ADAM11: variants seen among roughly 807,000 people sequenced by gnomAD.
The protein encoded by ADAM11 is disintegrin and metalloproteinase domain-containing protein 11.
Under a neutral mutation model 119.1 loss-of-function variants are expected in ADAM11, and 49 were observed. That is an observed-to-expected ratio of 0.41 (90% CI 0.33 to 0.52). The LOEUF is 0.52. Among genes scored for constraint, ADAM11 ranks in the 20% least tolerant of loss-of-function variants. ADAM11 has a pLI of 0.20. For missense variants in ADAM11, 777 were observed against 1,047.5 expected, an observed-to-expected ratio of 0.74 and a Z score of 3.56; for synonymous variants, 364 against 408.0, an observed-to-expected ratio of 0.89 and a Z score of 1.30.
rs1371890686 is a variant in ADAM11, at chr17:44,781,363, A to C, written c.*1609A>C. 1 of 152,086 alleles carries C rather than the reference A, an allele frequency of 6.6e-6. No individual in the cohort carries two copies. The highest frequency in any genetic ancestry group is 1.5e-5 in the Non-Finnish European group (1 of 68,018). 9.4% of individuals were successfully genotyped at this position (152,086 alleles called of 1,614,324 possible). A position where few individuals can be genotyped will look rare whatever the true frequency, so the allele number is the denominator to read the frequency against. On this transcript the variant is annotated 3_prime_UTR_variant, in exon 27 of 27. Coordinates refer to ENST00000200557, the MANE Select transcript of ADAM11 (RefSeq NM_002390.6). ...CACTGAGCTCCAGCTGGCACTGCCCACTCAAGGGCTGAGTGGAGGGGCCCC... is the reference window on the plus strand; with the variant it reads ...CACTGAGCTCCAGCTGGCACTGCCCCCTCAAGGGCTGAGTGGAGGGGCCCC...
Position 44,759,760 on chromosome 17 carries a change from G to A in ADAM11, c.100G>A (p.Gly34Arg), listed in dbSNP as rs550063531. Reference protein sequence around the residue: ...TQGPAGALRWGGLPQLGGPGA... With the variant: ...TQGPAGALRWRGLPQLGGPGA... ...AGGTCCTGCTGGAGCTCTGCGATGG[G>A]GGGGCTTACCCCAGCTGGGAGGCCC... Residue 34 changes from glycine to arginine, a missense_variant, in exon 2 of 27, where the codon GGG becomes AGG. This residue lies in a region of ADAM11 where 278 missense variants were observed against 310.1 expected (regional missense o/e 0.90). Coordinates refer to ENST00000200557, the MANE Select transcript of ADAM11 (RefSeq NM_002390.6). The A allele has an allele frequency of 1.2e-5, 16 of 1,325,554 alleles. No individual in the cohort carries two copies. Among genetic ancestry groups the A allele is most frequent in the Non-Finnish European group, 1.5e-5 (15 of 1,030,338 alleles). The allele number at this position is 1,325,554 out of a possible 1,614,324, so 82.1% of individuals were successfully genotyped here. A position where few individuals can be genotyped will look rare whatever the true frequency, so the allele number is the denominator to read the frequency against.
In ADAM11 at chr17:44,776,080, C is replaced by A; in HGVS notation, c.1486-47C>A. On this transcript the variant is annotated intron_variant, in intron 17 of 26. Transcript: ENST00000200557. This position sits in a 1 kb window ranked among gnomAD's most constrained non-coding sequence, Gnocchi z 5.2. ...AGCGAGGGGCCTGGGGAGGGCAGGG[C>A]CGAGGCATCCATCCTGCCTGACTCG... 1 of 1,598,468 alleles carries A rather than the reference C, an allele frequency of 6.3e-7. No individual in the cohort carries two copies. Among genetic ancestry groups the A allele is most frequent in the Non-Finnish European group, 8.6e-7 (1 of 1,167,548 alleles).
chr17:44,767,065 A>T (rs1203061330), intron 2 of ADAM11, among the ~76,000 whole-genome samples: 1 of 152,134 alleles, frequency 6.6e-6, no homozygotes, highest in Non-Finnish European at 1.5e-5. Context: ...TTAATTTTAA[A>T]AAAAGAACAT....
intron 2 of ADAM11, among the ~76,000 whole-genome samples, chr17:44,760,541 A>G (rs988756525): frequency 6.6e-6 from 1 of 152,190 alleles, no homozygotes; most frequent in Non-Finnish European, 1.5e-5. Flanking sequence ...TTAATAATTA[A>G]TTAATATCAT....
rs748075525 is a variant in ADAM11 at position 44,773,305 on chromosome 17, G to A, written c.870G>A (p.Met290Ile). ...QLNTRIVLVA[M>I]ETWADGDKIQ... is the part of the protein sequence containing the mutation. Reference sequence around the variant, plus strand: ...ACACTCGCATCGTCCTGGTTGCCATGGAAACATGGGCAGATGGGGACAAGA... The same window carrying A: ...ACACTCGCATCGTCCTGGTTGCCATAGAAACATGGGCAGATGGGGACAAGA... Residue 290 changes from methionine to isoleucine, a missense_variant, in exon 11 of 27, where the codon ATG becomes ATA. By Grantham distance (10) the Met-to-Ile change is conservative (BLOSUM62 1). Transcript: ENST00000200557. This position sits in a 1 kb window ranked among gnomAD's most constrained non-coding sequence, Gnocchi z 4.6. 1.9e-6 allele frequency: 3 copies of A among 1,614,012 alleles called. No homozygotes were observed.
chr17:44,768,981 C>A (rs73303581), intron 2 of ADAM11, among the ~76,000 whole-genome samples: 1 of 152,240 alleles, frequency 6.6e-6, no homozygotes, highest in Non-Finnish European at 1.5e-5. Context: ...CTTGCTCTGG[C>A]GTGGTGTGTT....
At chr17:44,779,582 T>C in intron 26 of ADAM11, 157 bp from the exon 27 acceptor site, 1 of 985,388 alleles carries the variant, frequency 1.0e-6, no homozygotes, top group Non-Finnish European at 1.2e-6. Flanking sequence ...TTGTCTTCCA[T>C]ATCACCACTG....
Position 44,775,668 on chromosome 17 carries a change from C to T in ADAM11, c.1477C>T (p.Arg493Cys), listed in dbSNP as rs1172548444. ...GTGCAGCGACGGGCTCTGCTGTCGCCGCTGCAAGGTAAGCAGGACCGGCCG... is the reference window on the plus strand; with the variant it reads ...GTGCAGCGACGGGCTCTGCTGTCGCTGCTGCAAGGTAAGCAGGACCGGCCG... ...AMCSDGLCCR[R>C]CKYEPRGVSC... The change falls in exon 17 of 27, where the codon CGC becomes TGC. Residue 493 changes from arginine to cysteine, a missense_variant. Transcript: ENST00000200557. The surrounding 1 kb of genome is among the most constrained non-coding windows in gnomAD (Gnocchi z 7.5). 1 of 1,584,748 alleles carries T rather than the reference C, an allele frequency of 6.3e-7. No individual in the cohort carries two copies. The highest frequency in any genetic ancestry group is 8.6e-7 in the Non-Finnish European group (1 of 1,167,360).
chr17:44,777,011 G>A lies in ADAM11; in HGVS notation c.1681+49G>A, dbSNP rs1202544161. ...TGGGGACTCCGGAGGACCCAGAGCT[G>A]AGAAGCTGGGGAGAGTGGGTTCCAG... On this transcript the variant is annotated intron_variant, in intron 20 of 26. Transcript: ENST00000200557. The surrounding 1 kb of genome is among the most constrained non-coding windows in gnomAD (Gnocchi z 5.1). 2.5e-6 allele frequency: 4 copies of A among 1,588,672 alleles called. No homozygotes were observed. The highest frequency in any genetic ancestry group is 3.4e-6 in the Non-Finnish European group (4 of 1,162,438).
intron 2 of ADAM11, among the ~76,000 whole-genome samples, chr17:44,769,213 C>T (rs1269554800): frequency 1.3e-5 from 2 of 152,242 alleles, no homozygotes; most frequent in Non-Finnish European, 2.9e-5. Context: ...TCCATTCCCA[C>T]CCATTCGCCC....
Position 44,775,201 on chromosome 17 carries a change from GC to G in ADAM11, c.1221-8del. 6.2e-7 allele frequency: 1 copy of G among 1,608,612 alleles called. No individual in the cohort carries two copies. The highest frequency in any genetic ancestry group is 8.5e-7 in the Non-Finnish European group (1 of 1,175,572). ...GGAGCAGCCAGCAGCACCTCCCCTC[GC>G]CCTATCCAGGTTCTACCTGCCCCGC... On this transcript the variant is annotated splice_polypyrimidine_tract_variant and intron_variant, in intron 14 of 26. Coordinates refer to ENST00000200557, the MANE Select transcript of ADAM11 (RefSeq NM_002390.6). The surrounding 1 kb of genome is among the most constrained non-coding windows in gnomAD (Gnocchi z 7.5).
At chr17:44,765,610 C>CTTTTTTT (rs748123040) in intron 2 of ADAM11, among the ~76,000 whole-genome samples, 1,558 of 99,848 alleles carry the variant, frequency 0.016, 12 homozygotes, top group Non-Finnish European at 0.017. Context: ...TTTCTTTTCT[C>CTTTTTTT]TTTTTTTTTT....
chr17:44,766,833 G>A (rs2049456466), intron 2 of ADAM11, among the ~76,000 whole-genome samples: 1 of 152,178 alleles, frequency 6.6e-6, no homozygotes, highest in Non-Finnish European at 1.5e-5. Flanking sequence ...CAGGGATGGA[G>A]GGACAATGGG....
Position 44,778,713 on chromosome 17 carries a change from A to AAAAAAAAAG in ADAM11, c.2276+471_2276+472insAAAAAAAAG, listed in dbSNP as rs71136047. Among the ~76,000 whole-genome samples the AAAAAAAAAG allele has an allele frequency of 3.4e-4, 27 of 80,458 alleles. 1 individual carries two copies. The highest frequency in any genetic ancestry group is 5.4e-4 in the Admixed American group (3 of 5,596). The allele number at this position is 80,458 out of a possible 152,430, so 52.8% of individuals were successfully genotyped here. A position where few individuals can be genotyped will look rare whatever the true frequency, so the allele number is the denominator to read the frequency against. On this transcript the variant is annotated intron_variant, in intron 25 of 26. Coordinates refer to ENST00000200557, the MANE Select transcript of ADAM11 (RefSeq NM_002390.6). ...CAAAAAAAAAAAAAAAAAAAAAAAA[A>AAAAAAAAAG]GAAAGAAAGAGAGAAAGAAAAGAAA...
At position 44,777,112 on chromosome 17, in the gene ADAM11, G is replaced by A; in HGVS notation, c.1682-54G>A. On this transcript the variant is annotated intron_variant, in intron 20 of 26. Coordinates refer to ENST00000200557, the MANE Select transcript of ADAM11 (RefSeq NM_002390.6). This position sits in a 1 kb window ranked among gnomAD's most constrained non-coding sequence, Gnocchi z 5.1. ...AGAGTGTGGGAGATGCAGGCCTGAG[G>A]TCTTGGGGTGGGTCCTGGGGCGCGT... 1 of 1,557,462 alleles carries A rather than the reference G, an allele frequency of 6.4e-7. No homozygotes were observed. The highest frequency in any genetic ancestry group is 1.2e-5 in the South Asian group (1 of 84,032).
rs1157684559 is a variant in ADAM11 at position 44,776,201 on chromosome 17, T to C, written c.1560T>C (p.Ser520=). 1.2e-6 allele frequency: 2 copies of C among 1,613,258 alleles called. No homozygotes were observed. The highest frequency in any genetic ancestry group is 1.7e-6 in the Non-Finnish European group (2 of 1,179,864). The part of the protein sequence containing the change: ...CDIAETCTGD[S]SQCPPNLHKL... ...TCGCGGAGACCTGCACCGGGGACTCTAGCCAGGTCCGCCCGGCCCCGCCGT... is the reference window on the plus strand; with the variant it reads ...TCGCGGAGACCTGCACCGGGGACTCCAGCCAGGTCCGCCCGGCCCCGCCGT... The change falls in exon 18 of 27, where the codon TCT becomes TCC. Residue 520 remains serine (S), a synonymous_variant. Coordinates refer to ENST00000200557, the MANE Select transcript of ADAM11 (RefSeq NM_002390.6). The surrounding 1 kb of genome is among the most constrained non-coding windows in gnomAD (Gnocchi z 5.2).
At chr17:44,770,988 C>A (rs2049516221) in intron 4 of ADAM11, among the ~76,000 whole-genome samples, 1 of 152,134 alleles carries the variant, frequency 6.6e-6, no homozygotes. Context: ...GTGGTGCATG[C>A]CTGTAATCCC....
At chr17:44,774,863 C>G in intron 14 of ADAM11, 114 bp downstream of exon 14, 1 of 1,317,080 alleles carries the variant, frequency 7.6e-7, no homozygotes. Flanking sequence ...CAGAACCACT[C>G]AGGATCCCAA....
chr17:44,770,496 CCCCG>C (rs201658714), intron 4 of ADAM11, among the ~76,000 whole-genome samples: 2,161 of 80,428 alleles, frequency 0.027, 179 homozygotes, highest in African/African-American at 0.074. Flanking sequence ...TCTCCCCCCC[CCCCG>C]CCCCCACTGC....
Sources: allele counts gnomAD v4.1 joint callset (sites outside exome capture counted in the v4.1 genomes callset), GRCh38; gene constraint gnomAD v4.1.1; regional missense constraint gnomAD v4.1.1; non-coding constraint Gnocchi (gnomAD v3.1); transcripts MANE v1.5; gene names NCBI Gene and HGNC (gene_info 2026-07-23, HGNC 2026-07-21).